Variants in EFCAB7 observed in about 807,000 individuals in gnomAD.
EFCAB7 encodes the protein EF-hand calcium binding domain 7, also known as EF-hand calcium-binding domain-containing protein 7.
EFCAB7 carries 66 observed loss-of-function variants against 77.1 expected under a neutral mutation model. The observed-to-expected ratio is 0.86, with a 90% confidence interval of 0.70 to 1.05. EFCAB7 has a LOEUF of 1.05. Ranked by LOEUF, EFCAB7 falls within the 50% of genes least tolerant of loss-of-function variation. The pLI, the probability that EFCAB7 is intolerant of heterozygous loss-of-function variation, is 0.00. For synonymous variants in EFCAB7, 225 were observed against 243.3 expected (o/e 0.92, Z 0.70); for missense variants, 638 against 730.5 (o/e 0.87, Z 1.46).
chr1:63,545,775 C>T (rs1001534077), intron 6 of EFCAB7, 141 bp from the exon 7 acceptor site: 2 of 733,804 alleles, frequency 2.7e-6, no homozygotes, highest in African/African-American at 3.6e-5. Context: ...TTTTCTACCT[C>T]CTAACTATGT....
intron 6 of EFCAB7, among the ~76,000 whole-genome samples, chr1:63,540,708 A>C (rs1416300681): frequency 6.6e-6 from 1 of 152,210 alleles, no homozygotes; most frequent in East Asian, 1.9e-4. Flanking sequence ...TAACAAGATA[A>C]ATTTCAGTAA....
the EFCAB7 span, among the ~76,000 whole-genome samples, chr1:63,581,359 G>C: frequency 7.4e-6 from 1 of 134,498 alleles, no homozygotes; most frequent in Non-Finnish European, 1.5e-5. Flanking sequence ...ACTTGAGCCT[G>C]AGCATTCAAG....
chr1:63,547,238 T>A (rs917632546), intron 7 of EFCAB7: 3 of 152,230 alleles, frequency 2.0e-5, no homozygotes, highest in South Asian at 2.1e-4. Context: ...TTAACAAGAT[T>A]CCTTTATTCA....
At position 63,523,651 on chromosome 1, in the gene EFCAB7, T is replaced by C. The variant is rs570181733; in HGVS notation, c.-2+17T>C. 2 of 179,406 alleles carry C rather than the reference T, an allele frequency of 1.1e-5. No individual in the cohort carries two copies. Among genetic ancestry groups the C allele is most frequent in the East Asian group, 2.9e-4 (2 of 6,854 alleles). 11.1% of individuals were successfully genotyped at this position (179,406 alleles called of 1,614,324 possible). Reference sequence around the variant, plus strand: ...TAGAATTAGGTAGCAAACAGCTCGCTGTCTCTGTCTCTTCGCTCCCTCTGT... The same window carrying C: ...TAGAATTAGGTAGCAAACAGCTCGCCGTCTCTGTCTCTTCGCTCCCTCTGT... On this transcript the variant is annotated intron_variant, in intron 1 of 13. Coordinates refer to ENST00000371088, the MANE Select transcript of EFCAB7 (RefSeq NM_032437.4).
chr1:63,581,962 T>C, the EFCAB7 span, among the ~76,000 whole-genome samples: 1 of 152,190 alleles, frequency 6.6e-6, no homozygotes, highest in Non-Finnish European at 1.5e-5. Context: ...AACGTAAATA[T>C]GCAGTATTAA....
downstream of EFCAB7, among the ~76,000 whole-genome samples, chr1:63,572,915 G>A (rs1647308474): frequency 2.6e-5 from 4 of 152,084 alleles, no homozygotes; most frequent in South Asian, 8.3e-4. Flanking sequence ...AAGGTGCTCA[G>A]TGGGGGAGCT....
intron 1 of EFCAB7, among the ~76,000 whole-genome samples, chr1:63,524,337 C>T (rs1366333919): frequency 6.6e-6 from 1 of 152,172 alleles, no homozygotes; most frequent in Non-Finnish European, 1.5e-5. Context: ...TTGCAGTAAC[C>T]AGACTGTGAC....
Position 63,534,079 on chromosome 1 carries a change from T to C in EFCAB7, c.683-16T>C, listed in dbSNP as rs771751478. On this transcript the variant is annotated splice_polypyrimidine_tract_variant and intron_variant, in intron 5 of 13. Coordinates refer to ENST00000371088, the MANE Select transcript of EFCAB7 (RefSeq NM_032437.4). ...CTTTTCATAATGTCAGACCAAATAA[T>C]CATTACTTGTTGCAGGTGACACCAG... 6.2e-7 allele frequency: 1 copy of C among 1,612,550 alleles called. No homozygotes were observed. Among genetic ancestry groups the C allele is most frequent in the Non-Finnish European group, 8.5e-7 (1 of 1,179,178 alleles).
At chr1:63,543,024 C>G (rs954166933) in intron 6 of EFCAB7, among the ~76,000 whole-genome samples, 64 of 152,128 alleles carry the variant, frequency 4.2e-4, no homozygotes, top group African/African-American at 1.4e-3. Flanking sequence ...AAACCATTGC[C>G]AGATCCAGCG....
In EFCAB7 at chr1:63,572,506, T is replaced by C. The variant is rs1472864754; in HGVS notation, c.1880T>C (p.Leu627Pro). 3.4e-6 allele frequency: 5 copies of C among 1,491,220 alleles called. No individual in the cohort carries two copies. The Admixed American group carries it at 8.5e-5, about 25-fold the overall frequency. The allele number at this position is 1,491,220 out of a possible 1,614,324, so 92.4% of individuals were successfully genotyped here. A position where few individuals can be genotyped will look rare whatever the true frequency, so the allele number is the denominator to read the frequency against. ...TGGATATATTATTGTATATATTCTC[T>C]TATTTCTTAAATAATTATACTTAGA... ...QEWIYYCIYSLIS is the reference protein window; with the variant it reads ...QEWIYYCIYSPIS Residue 627 changes from leucine (L) to proline (P), a missense_variant, in exon 14 of 14, where the codon CTT (leucine) becomes CCT (proline). Physicochemically the swap from Leu to Pro is moderately conservative, Grantham distance 98. Transcript: ENST00000371088.
intron 11 of EFCAB7, 53 bp from the exon 12 acceptor site, chr1:63,568,257 A>C (rs1647191833): frequency 2.1e-6 from 3 of 1,412,506 alleles, no homozygotes; most frequent in East Asian, 5.0e-5. Flanking sequence ...CATATTAATA[A>C]TTTATTTAAA....
chr1:63,551,295 A>G (rs184150615), intron 7 of EFCAB7, among the ~76,000 whole-genome samples: 74 of 152,300 alleles, frequency 4.9e-4, no homozygotes, highest in African/African-American at 1.5e-3. Context: ...ATGTTTACAC[A>G]TAAAAATGGA....
downstream of EFCAB7, among the ~76,000 whole-genome samples, chr1:63,576,728 C>A (rs1471835103): frequency 6.7e-6 from 1 of 149,126 alleles, no homozygotes; most frequent in Non-Finnish European, 1.5e-5. Context: ...CCCAGCTACT[C>A]GGGAGGCTGA....
At position 63,545,920 on chromosome 1, in the gene EFCAB7, G is replaced by A. The variant is rs1315548813; in HGVS notation, c.809G>A (p.Trp270Ter). The A allele has an allele frequency of 3.1e-6, 5 of 1,613,032 alleles. No homozygotes were observed. The highest frequency in any genetic ancestry group is 3.4e-6 in the Non-Finnish European group (4 of 1,179,598). The part of the protein sequence containing the change: ...KLMEPNLIKD[W>*]QHMQSKGCFF... ...TAATTTTTTCCTTCATTTCAGGACT[G>A]GCAACACATGCAATCAAAAGGTTGC... is the stretch of plus-strand genomic sequence containing the variant. The change falls in exon 7 of 14, where the codon TGG becomes TAG. Residue 270 changes from tryptophan (W) to a stop codon, truncating the protein, a stop_gained. Transcript: ENST00000371088. LOFTEE classifies it high-confidence loss of function.
At chr1:63,563,997 C>G (rs1443938520) in intron 11 of EFCAB7, among the ~76,000 whole-genome samples, 1 of 151,882 alleles carries the variant, frequency 6.6e-6, no homozygotes, top group African/African-American at 2.4e-5. Context: ...AATAGAATTT[C>G]ATGATATTAA....
rs373492103 is a variant in EFCAB7 at position 63,568,500 on chromosome 1, C to T, written c.1688C>T (p.Thr563Met). 4.4e-6 allele frequency: 7 copies of T among 1,601,054 alleles called. No individual in the cohort carries two copies. Among genetic ancestry groups the T allele is most frequent in the Middle Eastern group, 1.7e-4 (1 of 6,002 alleles). The change falls in exon 12 of 14, where the codon ACG becomes ATG. Residue 563 changes from threonine (T) to methionine (M), a missense_variant. Physicochemically the swap from Thr to Met is moderately conservative, Grantham distance 81. Coordinates refer to ENST00000371088, the MANE Select transcript of EFCAB7 (RefSeq NM_032437.4). ...VHTYSCDTWI[T>M]SVIENKSDEK... The stretch of plus-strand genomic sequence containing the variant: ...ACTTACAGTTGTGACACCTGGATAA[C>T]GTCAGTTATTGAAAACAAGGTATCA...
chr1:63,551,582 C>A, intron 7 of EFCAB7, 143 bp from the exon 8 acceptor site: 1 of 367,424 alleles, frequency 2.7e-6, no homozygotes, highest in Non-Finnish European at 4.6e-6. Flanking sequence ...CCAAGTGAGA[C>A]TCCGTCTTGA....
chr1:63,574,350 G>T (rs1355262790), downstream of EFCAB7, among the ~76,000 whole-genome samples: 2 of 152,202 alleles, frequency 1.3e-5, no homozygotes, highest in African/African-American at 4.8e-5. Context: ...TGACAGAATA[G>T]AATGGGCTTG....
chr1:63,538,443 G>T (rs1313317761), intron 6 of EFCAB7, among the ~76,000 whole-genome samples: 5 of 146,330 alleles, frequency 3.4e-5, no homozygotes, highest in Admixed American at 2.1e-4. Context: ...GTTTGAAAGG[G>T]TATTTTTTTT....
Sources: allele counts gnomAD v4.1 joint callset (sites outside exome capture counted in the v4.1 genomes callset), GRCh38; gene constraint gnomAD v4.1.1; transcripts MANE v1.5; gene names NCBI Gene and HGNC (gene_info 2026-07-23, HGNC 2026-07-21).